The following KCTD16 variants were observed in gnomAD, a reference collection of about 807,000 sequenced individuals.
KCTD16 encodes the protein potassium channel tetramerization domain containing 16, also known as BTB/POZ domain-containing protein KCTD16.
A neutral mutation model predicts 33.2 loss-of-function variants in KCTD16; 13 were observed. The ratio of observed to expected loss-of-function variants is 0.39; its 90% CI spans 0.25 to 0.62. KCTD16 has a LOEUF of 0.62. KCTD16 is among the 20% of genes least tolerant of loss of function. The pLI, the probability that KCTD16 is intolerant of heterozygous loss-of-function variation, is 0.50. For missense variants in KCTD16, 441 were observed against 525.1 expected (o/e 0.84, Z 1.57); for synonymous variants, 197 against 195.3 (o/e 1.01, Z -0.07).
intron 1 of KCTD16, among the ~76,000 whole-genome samples, chr5:144,173,427 T>C (rs995483902): frequency 6.6e-6 from 1 of 152,032 alleles, no homozygotes; most frequent in Non-Finnish European, 1.5e-5. Flanking sequence ...ATGAGCTAAA[T>C]AATGAGAACA....
chr5:144,457,376 G>T (rs1754089643), intron 3 of KCTD16, among the ~76,000 whole-genome samples: 1 of 152,208 alleles, frequency 6.6e-6, no homozygotes, highest in African/African-American at 2.4e-5. Context: ...GCCTCTAGGG[G>T]CACTGGAGTT....
intron 3 of KCTD16, among the ~76,000 whole-genome samples, chr5:144,236,536 A>G (rs1421644): frequency 0.68 from 104,011 of 152,086 alleles, 37,228 homozygotes; most frequent in African/African-American, 0.91. Flanking sequence ...ATAGTAATAT[A>G]GAGATAATAT....
chr5:144,385,887 C>A (rs895875156), intron 3 of KCTD16, among the ~76,000 whole-genome samples: 1 of 152,014 alleles, frequency 6.6e-6, no homozygotes, highest in Non-Finnish European at 1.5e-5. Context: ...ATATTAACGT[C>A]TATTTTTAAA....
chr5:144,203,401 T>C (rs545072341), intron 2 of KCTD16, among the ~76,000 whole-genome samples: 1 of 152,274 alleles, frequency 6.6e-6, no homozygotes, highest in African/African-American at 2.4e-5. Context: ...GCCTCTCTAT[T>C]CCTATTCAAG....
intron 3 of KCTD16, among the ~76,000 whole-genome samples, chr5:144,258,309 T>C (rs1754907599): frequency 6.6e-6 from 1 of 151,838 alleles, no homozygotes; most frequent in African/African-American, 2.4e-5. Flanking sequence ...AGATAATATT[T>C]AGAATAGTAT....
In KCTD16 at chr5:144,478,025, C is replaced by T. The variant is rs1754631555; in HGVS notation, c.*3911C>T. 6.6e-6 allele frequency: 1 copy of T among 151,984 alleles called. No homozygotes were observed. The highest frequency in any genetic ancestry group is 2.4e-5 in the African/African-American group (1 of 41,412). 9.4% of individuals were successfully genotyped at this position (151,984 alleles called of 1,614,324 possible). A position where few individuals can be genotyped will look rare whatever the true frequency, so the allele number is the denominator to read the frequency against. ...GCAGATAAATGTTTTTGCCAATTTG[C>T]ATGCTGGTTTATAGGTTTAGCATGG... On this transcript the variant is annotated 3_prime_UTR_variant, in exon 4 of 4. Transcript: ENST00000512467.
At chr5:144,457,721 A>G (rs1211801830) in intron 3 of KCTD16, among the ~76,000 whole-genome samples, 2 of 152,228 alleles carry the variant, frequency 1.3e-5, no homozygotes, top group Non-Finnish European at 2.9e-5. Context: ...TATTGTTATT[A>G]TTTTGCAAAA....
intron 3 of KCTD16, among the ~76,000 whole-genome samples, chr5:144,415,376 T>G (rs1207617748): frequency 6.6e-6 from 1 of 152,094 alleles, no homozygotes; most frequent in East Asian, 1.9e-4. Context: ...TTACCATTAA[T>G]GGAACCCGAG....
intron 3 of KCTD16, among the ~76,000 whole-genome samples, chr5:144,414,801 T>C (rs1753009651): frequency 6.6e-6 from 1 of 152,174 alleles, no homozygotes; most frequent in Non-Finnish European, 1.5e-5. Flanking sequence ...CAAGACACAA[T>C]AATGAACATT....
intron 3 of KCTD16, among the ~76,000 whole-genome samples, chr5:144,285,514 G>A (rs1170077091): frequency 6.6e-6 from 1 of 152,118 alleles, no homozygotes; most frequent in Non-Finnish European, 1.5e-5. Context: ...AAGGGCCTTA[G>A]TGTGATTTGT....
At chr5:144,348,932 A>G (rs1580892681) in intron 3 of KCTD16, among the ~76,000 whole-genome samples, 1 of 152,138 alleles carries the variant, frequency 6.6e-6, no homozygotes, top group Admixed American at 6.5e-5. Context: ...AAGAGAGAGT[A>G]GGTTCAGGGG....
rs1754628970 is a variant in KCTD16 at position 144,477,885 on chromosome 5, T to TCTAG, written c.*3771_*3772insCTAG. 2 of 152,052 alleles carry TCTAG rather than the reference T, an allele frequency of 1.3e-5. No individual in the cohort carries two copies. The highest frequency in any genetic ancestry group is 1.3e-4 in the Admixed American group (2 of 15,248). The allele number at this position is 152,052 out of a possible 1,614,324, so 9.4% of individuals were successfully genotyped here. On this transcript the variant is annotated 3_prime_UTR_variant, in exon 4 of 4. Transcript: ENST00000512467. ...GTCTTCTAGATGATCTTTACTAGAATTAATAATACTCTTTCTGTGAACTTT... is the reference window on the plus strand; with the variant it reads ...GTCTTCTAGATGATCTTTACTAGAATCTAGTAATAATACTCTTTCTGTGAACTTT...
chr5:144,433,763 AATG>A (rs757995605), intron 3 of KCTD16, among the ~76,000 whole-genome samples: 49 of 152,276 alleles, frequency 3.2e-4, no homozygotes, highest in Non-Finnish European at 5.9e-4. Context: ...TGTCTACGAT[AATG>A]ATGATGTTTG....
chr5:144,189,495 CAAAAAAAA>C (rs5871868), intron 2 of KCTD16, among the ~76,000 whole-genome samples: 2 of 120,574 alleles, frequency 1.7e-5, no homozygotes, highest in African/African-American at 5.7e-5. Flanking sequence ...GACTCCATCT[CAAAAAAAA>C]AAAAAAAGAA....
intron 3 of KCTD16, among the ~76,000 whole-genome samples, chr5:144,441,927 T>C (rs527277701): frequency 5.9e-5 from 9 of 152,058 alleles, no homozygotes; most frequent in Non-Finnish European, 1.3e-4. Flanking sequence ...TGCAGAATAC[T>C]GTCATTTTAA....
chr5:144,406,761 T>G (rs1752817047), intron 3 of KCTD16, among the ~76,000 whole-genome samples: 1 of 152,200 alleles, frequency 6.6e-6, no homozygotes, highest in African/African-American at 2.4e-5. Flanking sequence ...TGGAAAAGGC[T>G]GAAGATTCAG....
At chr5:144,286,224 A>G (rs1580845698) in intron 3 of KCTD16, among the ~76,000 whole-genome samples, 1 of 152,264 alleles carries the variant, frequency 6.6e-6, no homozygotes, top group African/African-American at 2.4e-5. Flanking sequence ...GAGTGAAGAT[A>G]TCTTGTCACC....
rs2127002835 is a variant in KCTD16 at position 144,474,060 on chromosome 5, T to C, written c.1233T>C (p.Phe411=). 1.2e-6 allele frequency: 2 copies of C among 1,613,788 alleles called. No individual in the cohort carries two copies. The highest frequency in any genetic ancestry group is 2.2e-5 in the South Asian group (2 of 91,056). The change falls in exon 4 of 4, where the codon TTT becomes TTC. Residue 411 remains phenylalanine, a synonymous_variant. Transcript: ENST00000512467. ...TAAAAATCAAAATTCCAGATCGGTT[T>C]CCTGAGAGAAAACATCCTTGGCAAT... ...DFLKIKIPDR[F]PERKHPWQSE... is the part of the protein sequence containing the mutation.
intron 3 of KCTD16, among the ~76,000 whole-genome samples, chr5:144,297,827 C>T (rs902771826): frequency 6.6e-6 from 1 of 152,218 alleles, no homozygotes; most frequent in Non-Finnish European, 1.5e-5. Flanking sequence ...GCATTCGAGC[C>T]GGCAACGGCT....
Sources: gnomAD v4.1 joint callset for allele counts (sites outside exome capture counted in the v4.1 genomes callset) on GRCh38, gnomAD v4.1.1 for gene constraint, MANE v1.5 for transcripts, NCBI Gene and HGNC (gene_info 2026-07-23, HGNC 2026-07-21) for gene names.